The following CTTNBP2NL variants were observed in gnomAD, a reference collection of about 807,000 sequenced individuals.
The protein encoded by CTTNBP2NL is CTTNBP2 N-terminal like, also known as CTTNBP2 N-terminal-like protein.
CTTNBP2NL carries 16 observed loss-of-function variants against 32.5 expected under a neutral mutation model. The ratio of observed to expected loss-of-function variants is 0.49; its 90% CI spans 0.33 to 0.75. The LOEUF is 0.75. CTTNBP2NL is among the 30% of genes least tolerant of loss of function. The pLI is 0.02. For missense variants in CTTNBP2NL, 645 were observed against 756.0 expected, an observed-to-expected ratio of 0.85 and a Z score of 1.72; for synonymous variants, 298 against 289.4, an observed-to-expected ratio of 1.03 and a Z score of -0.30.
chr1:112,432,888 A>C (rs1272399358), intron 3 of CTTNBP2NL, among the ~76,000 whole-genome samples: 1 of 151,860 alleles, frequency 6.6e-6, no homozygotes, highest in Non-Finnish European at 1.5e-5. Context: ...TGTTTCTACT[A>C]CTCTAATGAA....
chr1:112,452,645 CTT>C (rs34842059), intron 4 of CTTNBP2NL, among the ~76,000 whole-genome samples: 5 of 133,078 alleles, frequency 3.8e-5, no homozygotes, highest in Non-Finnish European at 3.1e-5. Context: ...CTCCTGGCCT[CTT>C]TTTTTTTTTT....
At chr1:112,429,232 G>C (rs1481705934) in intron 3 of CTTNBP2NL, among the ~76,000 whole-genome samples, 2 of 152,164 alleles carry the variant, frequency 1.3e-5, no homozygotes, top group African/African-American at 4.8e-5. Context: ...TATGGGATCT[G>C]ACCATAAGAG....
At position 112,460,383 on chromosome 1, in the gene CTTNBP2NL, A is replaced by T. The variant is rs1248290208; in HGVS notation, c.*2971A>T. On this transcript the variant is annotated 3_prime_UTR_variant, in exon 6 of 6. Coordinates refer to ENST00000271277, the MANE Select transcript of CTTNBP2NL (RefSeq NM_018704.3). ...CAATGACCCATCCAGGTTAGACTCC[A>T]TAAGGAACTAAGACATTGATTTTCT... The T allele has an allele frequency of 6.6e-6, 1 of 152,222 alleles. No individual in the cohort carries two copies. The highest frequency in any genetic ancestry group is 1.5e-5 in the Non-Finnish European group (1 of 68,028). The allele number at this position is 152,222 out of a possible 1,614,324, so 9.4% of individuals were successfully genotyped here.
At position 112,409,924 on chromosome 1, in the gene CTTNBP2NL, G is replaced by GGGGGAT. The variant is rs1352595896; in HGVS notation, c.-133-2268_-133-2263dup. On this transcript the variant is annotated intron_variant, in intron 1 of 5. Coordinates refer to ENST00000271277, the MANE Select transcript of CTTNBP2NL (RefSeq NM_018704.3). ...TTAAGGAGGCACAGTGGGGTAGTTG[G>GGGGGAT]GGGGATGCAGTTTTTGATACCCATA... 2.6e-5 allele frequency among the ~76,000 whole-genome samples: 4 copies of GGGGGAT among 152,114 alleles called. No homozygotes were observed. The East Asian group carries it at 7.7e-4, about 29-fold the overall frequency.
intron 1 of CTTNBP2NL, among the ~76,000 whole-genome samples, chr1:112,411,685 A>ATT (rs5777111): frequency 4.1e-5 from 6 of 144,630 alleles, no homozygotes; most frequent in African/African-American, 1.5e-4. Flanking sequence ...TGTAATTATG[A>ATT]TTTTTTTTTT....
intron 4 of CTTNBP2NL, among the ~76,000 whole-genome samples, chr1:112,452,156 T>C (rs970925596): frequency 6.6e-6 from 1 of 151,994 alleles, no homozygotes; most frequent in African/African-American, 2.4e-5. Context: ...GTGCCAAATT[T>C]TTTTTCTTTC....
In CTTNBP2NL at chr1:112,459,763, A is replaced by T. The variant is rs1650492403; in HGVS notation, c.*2351A>T. 1 of 152,220 alleles carries T rather than the reference A, an allele frequency of 6.6e-6. No homozygotes were observed. 9.4% of individuals were successfully genotyped at this position (152,220 alleles called of 1,614,324 possible). On this transcript the variant is annotated 3_prime_UTR_variant, in exon 6 of 6. Coordinates refer to ENST00000271277, the MANE Select transcript of CTTNBP2NL (RefSeq NM_018704.3). ...AGAGTTATTGTCTCTTTTGCTTTAA[A>T]TGGTAATCTTAAAAGTTGCATTGTG...
intron 3 of CTTNBP2NL, among the ~76,000 whole-genome samples, chr1:112,420,515 A>G (rs1254537238): frequency 2.6e-5 from 4 of 151,392 alleles, no homozygotes; most frequent in African/African-American, 9.7e-5. Context: ...CGCCTAGGCT[A>G]GAGTGCAGTG....
intron 4 of CTTNBP2NL, among the ~76,000 whole-genome samples, chr1:112,451,685 G>A (rs1417009104): frequency 6.7e-6 from 1 of 150,290 alleles, no homozygotes; most frequent in Non-Finnish European, 1.5e-5. Context: ...CAGAAGAATA[G>A]CTTGAGCCCA....
chr1:112,398,740 G>A (rs530677142), intron 1 of CTTNBP2NL, among the ~76,000 whole-genome samples: 1 of 145,112 alleles, frequency 6.9e-6, no homozygotes, highest in South Asian at 2.2e-4. Flanking sequence ...GAGCCCAGGT[G>A]TTTGAGGTTA....
intron 4 of CTTNBP2NL, among the ~76,000 whole-genome samples, chr1:112,449,898 TTTCCTC>T (rs1402199510): frequency 6.6e-6 from 1 of 152,220 alleles, no homozygotes; most frequent in Non-Finnish European, 1.5e-5. Flanking sequence ...AAACCTGTGC[TTTCCTC>T]TGCTTCATCT....
At chr1:112,431,170 C>T (rs1649561136) in intron 3 of CTTNBP2NL, among the ~76,000 whole-genome samples, 1 of 152,206 alleles carries the variant, frequency 6.6e-6, no homozygotes. Flanking sequence ...GAAAAGATTA[C>T]AGCAGTGAGG....
chr1:112,423,350 G>A (rs1358819954), intron 3 of CTTNBP2NL, among the ~76,000 whole-genome samples: 1 of 152,032 alleles, frequency 6.6e-6, no homozygotes, highest in Non-Finnish European at 1.5e-5. Flanking sequence ...ATCACTGAGA[G>A]TAGATTTTAA....
chr1:112,391,365 A>G (rs906960051), upstream of CTTNBP2NL, among the ~76,000 whole-genome samples: 2 of 152,150 alleles, frequency 1.3e-5, no homozygotes, highest in African/African-American at 4.8e-5. Flanking sequence ...TTTCCCATTC[A>G]TTTCAACTTC....
At chr1:112,442,827 A>G (rs1649935038) in intron 3 of CTTNBP2NL, among the ~76,000 whole-genome samples, 3 of 151,938 alleles carry the variant, frequency 2.0e-5, no homozygotes, top group Non-Finnish European at 4.4e-5. Flanking sequence ...AGTAGCTGGG[A>G]TTACAGGCGC....
In CTTNBP2NL at chr1:112,457,538, G is replaced by T; in HGVS notation, c.*126G>T. The T allele has an allele frequency of 1.2e-6, 1 of 820,930 alleles. No individual in the cohort carries two copies. Among genetic ancestry groups the T allele is most frequent in the Non-Finnish European group, 1.9e-6 (1 of 537,798 alleles). The allele number at this position is 820,930 out of a possible 1,614,324, so 50.9% of individuals were successfully genotyped here. A position where few individuals can be genotyped will look rare whatever the true frequency, so the allele number is the denominator to read the frequency against. On this transcript the variant is annotated 3_prime_UTR_variant, in exon 6 of 6. Transcript: ENST00000271277. ...TGAAACCATCTGTATAATACATTTAGTATATTTCACCATTTTGTATTTTTT... is the reference window on the plus strand; with the variant it reads ...TGAAACCATCTGTATAATACATTTATTATATTTCACCATTTTGTATTTTTT...
intron 3 of CTTNBP2NL, among the ~76,000 whole-genome samples, chr1:112,438,740 G>A (rs1175391057): frequency 6.6e-6 from 1 of 152,160 alleles, no homozygotes; most frequent in African/African-American, 2.4e-5. Flanking sequence ...GCAGTCTTAG[G>A]TTGGGATTAC....
At chr1:112,445,927 C>G (rs1650024193) in intron 3 of CTTNBP2NL, among the ~76,000 whole-genome samples, 1 of 152,282 alleles carries the variant, frequency 6.6e-6, no homozygotes, top group Middle Eastern at 3.4e-3. Context: ...CCAGCTCCTA[C>G]TCCTCCATCC....
chr1:112,449,230 A>G (rs1041481495), intron 4 of CTTNBP2NL, 58 bp downstream of exon 4: 3 of 1,011,826 alleles, frequency 3.0e-6, no homozygotes, highest in Non-Finnish European at 4.5e-6. Flanking sequence ...ATTATGCCTG[A>G]TACTTTCTTG....
Sources: allele counts gnomAD v4.1 joint callset (sites outside exome capture counted in the v4.1 genomes callset), GRCh38; gene constraint gnomAD v4.1.1; transcripts MANE v1.5; gene names NCBI Gene and HGNC (gene_info 2026-07-23, HGNC 2026-07-21).